The following NAALADL2 variants were observed in gnomAD, a reference collection of about 807,000 sequenced individuals.
NAALADL2 encodes the protein inactive N-acetylated-alpha-linked acidic dipeptidase-like protein 2.
A neutral mutation model predicts 87.2 loss-of-function variants in NAALADL2; 76 were observed. The observed-to-expected ratio is 0.87, with a 90% CI of 0.72 to 1.05. NAALADL2 has a LOEUF of 1.05. NAALADL2 is among the 50% of genes least tolerant of loss of function. NAALADL2 has a pLI of 0.00. For synonymous variants in NAALADL2, 354 were observed against 331.0 expected, an observed-to-expected ratio of 1.07 and a Z score of -0.75; for missense variants, 1,089 against 945.8, an observed-to-expected ratio of 1.15 and a Z score of -1.99.
chr3:174,653,697 A>C (rs1458812687), intron 2 of NAALADL2, among the ~76,000 whole-genome samples: 1 of 152,130 alleles, frequency 6.6e-6, no homozygotes, highest in African/African-American at 2.4e-5. Flanking sequence ...GAGTAGCTAG[A>C]GTTTAGGGAA....
At chr3:174,863,485 G>T (rs536890796) in intron 1 of NAALADL2, among the ~76,000 whole-genome samples, 1 of 151,946 alleles carries the variant, frequency 6.6e-6, no homozygotes, top group South Asian at 2.1e-4. Flanking sequence ...AGGAGAAGTT[G>T]GCTTGTAAGT....
At chr3:175,027,690 A>G (rs1351782379) in intron 1 of NAALADL2, among the ~76,000 whole-genome samples, 1 of 152,032 alleles carries the variant, frequency 6.6e-6, no homozygotes, top group Non-Finnish European at 1.5e-5. Context: ...AATGTGGTAT[A>G]TTTTCTAGGT....
At chr3:175,123,717 A>G (rs183735920) in intron 2 of NAALADL2, among the ~76,000 whole-genome samples, 2 of 151,976 alleles carry the variant, frequency 1.3e-5, no homozygotes, top group East Asian at 3.9e-4. Flanking sequence ...TCAAGAGTCA[A>G]CTTACGTATT....
At chr3:175,436,361 T>C (rs1718671691) in intron 5 of NAALADL2, among the ~76,000 whole-genome samples, 1 of 149,546 alleles carries the variant, frequency 6.7e-6, no homozygotes, top group Non-Finnish European at 1.5e-5. Flanking sequence ...TTTGGGTATA[T>C]ACCCACTAAT....
At chr3:175,413,779 A>G (rs1318300178) in intron 5 of NAALADL2, among the ~76,000 whole-genome samples, 1 of 152,084 alleles carries the variant, frequency 6.6e-6, no homozygotes, top group Non-Finnish European at 1.5e-5. Context: ...ACATAGGGAG[A>G]AGCAAAGGAG....
At chr3:175,042,657 G>A (rs1754223599) in intron 1 of NAALADL2, among the ~76,000 whole-genome samples, 1 of 152,094 alleles carries the variant, frequency 6.6e-6, no homozygotes, top group Admixed American at 6.5e-5. Context: ...ATCTCACTGA[G>A]ATTTTGATAT....
chr3:174,675,562 C>T (rs1726969769), intron 2 of NAALADL2, among the ~76,000 whole-genome samples: 1 of 152,032 alleles, frequency 6.6e-6, no homozygotes, highest in African/African-American at 2.4e-5. Flanking sequence ...ATTTTTGCAA[C>T]AGCCAACCAG....
chr3:174,633,736 T>G (rs1044937250), intron 2 of NAALADL2, among the ~76,000 whole-genome samples: 1 of 152,156 alleles, frequency 6.6e-6, no homozygotes, highest in African/African-American at 2.4e-5. Flanking sequence ...AGATTTGATG[T>G]GATGTGATTG....
chr3:175,303,948 C>A (rs1014854480), intron 4 of NAALADL2, among the ~76,000 whole-genome samples: 2 of 151,764 alleles, frequency 1.3e-5, no homozygotes, highest in East Asian at 3.9e-4. Context: ...CTTCTGTGCC[C>A]GAAATCTTTG....
chr3:175,035,819 T>A (rs1753339893), intron 1 of NAALADL2, among the ~76,000 whole-genome samples: 1 of 152,132 alleles, frequency 6.6e-6, no homozygotes, highest in South Asian at 2.1e-4. Flanking sequence ...TTGGGAAGCT[T>A]ATTGAAAATT....
chr3:175,624,068 A>G (rs1278194901), intron 10 of NAALADL2, among the ~76,000 whole-genome samples: 2 of 151,820 alleles, frequency 1.3e-5, no homozygotes, highest in East Asian at 3.9e-4. Flanking sequence ...TTCTTTTGCT[A>G]GAAATAAACA....
chr3:175,687,132 T>G (rs112236896), intron 11 of NAALADL2, among the ~76,000 whole-genome samples: 4,211 of 152,238 alleles, frequency 0.028, 212 homozygotes, highest in African/African-American at 0.095. Flanking sequence ...CTAAATGGTG[T>G]CTTAAATGGC....
intron 1 of NAALADL2, among the ~76,000 whole-genome samples, chr3:174,977,876 A>G (rs1462664939): frequency 6.6e-6 from 1 of 152,224 alleles, no homozygotes; most frequent in Admixed American, 6.5e-5. Context: ...TGGGGCCAAA[A>G]TTCAATGCTG....
intron 2 of NAALADL2, among the ~76,000 whole-genome samples, chr3:174,558,717 T>A (rs189483212): frequency 6.6e-6 from 1 of 152,152 alleles, no homozygotes; most frequent in African/African-American, 2.4e-5. Flanking sequence ...GTTCACCTCC[T>A]GCTGTGTGGC....
intron 11 of NAALADL2, among the ~76,000 whole-genome samples, chr3:175,657,636 A>G (rs1181335883): frequency 1.3e-5 from 2 of 150,068 alleles, no homozygotes; most frequent in African/African-American, 2.5e-5. Flanking sequence ...GCTGGAGTGC[A>G]GTGGCACGAT....
At chr3:175,610,875 T>C in intron 10 of NAALADL2, among the ~76,000 whole-genome samples, 1 of 152,198 alleles carries the variant, frequency 6.6e-6, no homozygotes, top group East Asian at 1.9e-4. Flanking sequence ...CGTTTAATAA[T>C]ATTGAATATT....
In NAALADL2 at chr3:175,467,063, C is replaced by T; in HGVS notation, c.1412C>T (p.Thr471Ile). ...TGGGCCAGTAGTACTGCAATAATCA[C>T]AGCGTTTATCCGTGCCTTGATGTCA... ...QEWASSTAII[T>I]AFIRALMSKV... The change falls in exon 8 of 14, where the codon ACA becomes ATA. Residue 471 changes from threonine to isoleucine, a missense_variant. Physicochemically the swap from Thr to Ile is moderately conservative, Grantham distance 89. Transcript: ENST00000454872. The T allele has an allele frequency of 1.2e-6, 2 of 1,613,824 alleles. No homozygotes were observed. The highest frequency in any genetic ancestry group is 1.7e-6 in the Non-Finnish European group (2 of 1,179,782).
intron 2 of NAALADL2, among the ~76,000 whole-genome samples, chr3:175,115,872 A>C (rs574997043): frequency 7.0e-4 from 107 of 151,898 alleles, no homozygotes; most frequent in Non-Finnish European, 1.2e-3. Flanking sequence ...CAGCACATCA[A>C]AAAGCTTATC....
intron 2 of NAALADL2, among the ~76,000 whole-genome samples, chr3:174,596,144 C>T (rs952061419): frequency 6.6e-6 from 1 of 152,178 alleles, no homozygotes; most frequent in African/African-American, 2.4e-5. Context: ...TATTCCTTTA[C>T]ACTTAGAATT....
Sources: gnomAD v4.1 joint callset for allele counts (sites outside exome capture counted in the v4.1 genomes callset) on GRCh38, gnomAD v4.1.1 for gene constraint, MANE v1.5 for transcripts, NCBI Gene and HGNC (gene_info 2026-07-23, HGNC 2026-07-21) for gene names.